The following CTDP1 variants were observed in gnomAD, a reference collection of about 807,000 sequenced individuals.
CTDP1 encodes the protein CTD phosphatase 1, also known as RNA polymerase II subunit A C-terminal domain phosphatase.
A neutral mutation model predicts 91.8 loss-of-function variants in CTDP1; 47 were observed. The observed-to-expected ratio is 0.51, with a 90% CI of 0.41 to 0.65. CTDP1 has a LOEUF of 0.65. Ranked by LOEUF, CTDP1 falls within the 30% of genes least tolerant of loss-of-function variation. The pLI, the probability that CTDP1 is intolerant of heterozygous loss-of-function variation, is 0.00. For missense variants in CTDP1, 1,272 were observed against 1,373.7 expected (o/e 0.93, Z 1.17); for synonymous variants, 656 against 598.5 (o/e 1.10, Z -1.40).
chr18:79,679,291 G>C (rs183082007), upstream of CTDP1: 1,090 of 409,830 alleles, frequency 2.7e-3, 10 homozygotes, highest in African/African-American at 0.02. Context: ...GGTCCGGGGG[G>C]GGACACGAGG....
At chr18:79,707,261 T>C (rs767771264) in intron 5 of CTDP1, among the ~76,000 whole-genome samples, 1 of 152,198 alleles carries the variant, frequency 6.6e-6, no homozygotes, top group African/African-American at 2.4e-5. Flanking sequence ...TCCACGTTCA[T>C]GAGGCCTCGT....
intron 12 of CTDP1, among the ~76,000 whole-genome samples, chr18:79,751,043 G>T (rs1318498163): frequency 7.4e-6 from 1 of 135,154 alleles, no homozygotes; most frequent in Non-Finnish European, 1.6e-5. Context: ...GCAGGTCAGG[G>T]AGGGAGGGAG....
At chr18:79,710,304 G>A (rs766283273) in intron 5 of CTDP1, 42 bp from the exon 6 acceptor site, 8 of 1,499,718 alleles carry the variant, frequency 5.3e-6, no homozygotes, top group South Asian at 2.3e-5. Flanking sequence ...TGACCGAAAC[G>A]TGTCTCAGGT....
upstream of CTDP1, chr18:79,679,621 C>A: frequency 2.1e-6 from 1 of 486,006 alleles, no homozygotes; most frequent in Non-Finnish European, 4.0e-6. Context: ...TTGCATGCCG[C>A]TGCTCCACGG....
chr18:79,719,925 A>C (rs111804208), intron 10 of CTDP1, among the ~76,000 whole-genome samples: 184 of 116,104 alleles, frequency 1.6e-3, no homozygotes, highest in African/African-American at 2.2e-3. Context: ...CCTGGTGATG[A>C]TGTCACCTCC....
chr18:79,715,187 TGGAGGA>T lies in CTDP1; in HGVS notation c.1743_1748del (p.Glu581_Glu582del), dbSNP rs3833180. ...GCGGGTGAGTCCCTGGACCAGAGCA[TGGAGGA>T]GGAGGAGGAGGAGGACACGGATGAG... On this transcript the variant is annotated inframe_deletion, in exon 8 of 13. Transcript: ENST00000613122. 2.2e-5 allele frequency: 35 copies of T among 1,610,236 alleles called. No individual in the cohort carries two copies. Among genetic ancestry groups the T allele is most frequent in the South Asian group, 4.4e-5 (4 of 90,630 alleles).
chr18:79,727,366 G>A (rs1032269478), intron 10 of CTDP1, among the ~76,000 whole-genome samples: 15 of 152,016 alleles, frequency 9.9e-5, no homozygotes, highest in Non-Finnish European at 2.1e-4. Flanking sequence ...GAAGCGTGGC[G>A]TTCACGGGAT....
chr18:79,714,092 G>A (rs981392076), intron 7 of CTDP1, among the ~76,000 whole-genome samples: 4 of 152,144 alleles, frequency 2.6e-5, no homozygotes, highest in Non-Finnish European at 4.4e-5. Flanking sequence ...TTACGGTCAC[G>A]GTGGCGCCAG....
Position 79,680,097 on chromosome 18 carries a change from C to A in CTDP1, c.150C>A (p.Ala50=), listed in dbSNP as rs564311662. The A allele has an allele frequency of 6.0e-5, 85 of 1,409,656 alleles. No homozygotes were observed. In the South Asian group the frequency reaches 1.2e-3, roughly 20 times the overall value. The allele number at this position is 1,409,656 out of a possible 1,614,324, so 87.3% of individuals were successfully genotyped here. ...CCGTGCGCATCGGCTCGGTGCTGGCCGTGTTCGAGGCCGCCGCCTCCGCGC... is the reference window on the plus strand; with the variant it reads ...CCGTGCGCATCGGCTCGGTGCTGGCAGTGTTCGAGGCCGCCGCCTCCGCGC... ...GAAVRIGSVL[A]VFEAAASAQS... is the part of the protein sequence containing the mutation. The change falls in exon 1 of 13, where the codon GCC becomes GCA. Residue 50 remains alanine, a synonymous_variant. Transcript: ENST00000613122.
chr18:79,733,221 C>G (rs944380693), intron 11 of CTDP1, among the ~76,000 whole-genome samples: 2 of 151,740 alleles, frequency 1.3e-5, no homozygotes, highest in African/African-American at 4.8e-5. Flanking sequence ...GCGGCCTCAG[C>G]AGAGGACAGG....
rs1285668701 is a variant in CTDP1, at chr18:79,694,236, CGGCTGGG to C, written c.315-988_315-982del. On this transcript the variant is annotated intron_variant, in intron 1 of 12. Coordinates refer to ENST00000613122, the MANE Select transcript of CTDP1 (RefSeq NM_004715.5). ...GCAGGGCAGGGTGGTCGGAGCAGCC[CGGCTGGG>C]ATGGGAGTGTGGGGGCTACAGGCAC... Among the ~76,000 whole-genome samples, 36 of 142,754 alleles carry C rather than the reference CGGCTGGG, an allele frequency of 2.5e-4. 1 individual carries two copies. The highest frequency in any genetic ancestry group is 9.0e-4 in the East Asian group (4 of 4,468). 93.7% of individuals were successfully genotyped at this position (142,754 alleles called of 152,430 possible).
chr18:79,742,202 GA>G (rs2086795086), intron 12 of CTDP1, among the ~76,000 whole-genome samples: 1 of 149,336 alleles, frequency 6.7e-6, no homozygotes, highest in Non-Finnish European at 1.5e-5. Context: ...GAGAGAGAGA[GA>G]GAGAGGCCTG....
intron 1 of CTDP1, among the ~76,000 whole-genome samples, chr18:79,694,713 TC>T (rs1415254444): frequency 6.6e-6 from 1 of 152,204 alleles, no homozygotes. Flanking sequence ...CAGCACTTCT[TC>T]CATGGCTTCT....
intron 12 of CTDP1, among the ~76,000 whole-genome samples, chr18:79,742,214 G>A (rs1268400731): frequency 6.7e-6 from 1 of 149,986 alleles, no homozygotes; most frequent in East Asian, 2.0e-4. Flanking sequence ...GAGAGGCCTG[G>A]CACCAGAGGA....
At chr18:79,696,899 T>C (rs781485571) in intron 3 of CTDP1, among the ~76,000 whole-genome samples, 7 of 152,256 alleles carry the variant, frequency 4.6e-5, no homozygotes, top group Non-Finnish European at 8.8e-5. Flanking sequence ...GAAAAACTAG[T>C]TTGTGATCTT....
At chr18:79,715,955 G>A (rs762845088) in intron 8 of CTDP1, among the ~76,000 whole-genome samples, 3 of 152,210 alleles carry the variant, frequency 2.0e-5, no homozygotes, top group Non-Finnish European at 1.5e-5. Flanking sequence ...TTGTGGCTGG[G>A]AGGGCGGAGG....
chr18:79,728,982 T>G lies in CTDP1; in HGVS notation c.2493T>G (p.Pro831=). Reference sequence around the variant, plus strand: ...CTCAGGACGGAGAGCAGCCTGGCCCTTCTAGAAGAAAGCGACAGCCCAGTA... The same window carrying G: ...CTCAGGACGGAGAGCAGCCTGGCCCGTCTAGAAGAAAGCGACAGCCCAGTA... ...PDAQDGEQPG[P]SRRKRQPSMS... is the part of the protein sequence containing the mutation. Residue 831 remains proline (P), a synonymous_variant, in exon 11 of 13, where the codon CCT becomes CCG. Transcript: ENST00000613122. 6.2e-7 allele frequency: 1 copy of G among 1,614,206 alleles called. No homozygotes were observed.
chr18:79,752,409 C>A (rs1163999248), intron 12 of CTDP1, among the ~76,000 whole-genome samples: 2 of 102,592 alleles, frequency 1.9e-5, no homozygotes, highest in Non-Finnish European at 4.3e-5. Flanking sequence ...CTAGTGGCAC[C>A]GGCTGGTTAT....
rs1453787799 is a variant in CTDP1 at position 79,679,916 on chromosome 18, C to T, written c.-32C>T. ...TGCGCTCTGAGCGCAGCGCAGGCCC[C>T]GTACCGACCGCCCGCCCGCCCTCTG... On this transcript the variant is annotated 5_prime_UTR_variant, in exon 1 of 13. Coordinates refer to ENST00000613122, the MANE Select transcript of CTDP1 (RefSeq NM_004715.5). 22 of 1,380,438 alleles carry T rather than the reference C, an allele frequency of 1.6e-5. No individual in the cohort carries two copies. The highest frequency in any genetic ancestry group is 9.3e-5 in the African/African-American group (6 of 64,700). The allele number at this position is 1,380,438 out of a possible 1,614,324, so 85.5% of individuals were successfully genotyped here.
Sources: allele counts gnomAD v4.1 joint callset (sites outside exome capture counted in the v4.1 genomes callset), GRCh38; gene constraint gnomAD v4.1.1; transcripts MANE v1.5; gene names NCBI Gene and HGNC (gene_info 2026-07-23, HGNC 2026-07-21).